Variants in DENND1A observed in about 807,000 individuals in gnomAD.
DENND1A encodes the protein DENN domain containing 1A.
DENND1A carries 51 observed loss-of-function variants against 113.7 expected under a neutral mutation model. The observed-to-expected ratio is 0.45, with a 90% CI of 0.36 to 0.57. DENND1A has a LOEUF of 0.57. Among genes scored for constraint, DENND1A ranks in the 20% least tolerant of loss-of-function variants. DENND1A has a pLI of 0.00. For missense variants in DENND1A, 1,258 were observed against 1,395.9 expected (o/e 0.90, Z 1.57); for synonymous variants, 565 against 570.8 (o/e 0.99, Z 0.14).
intron 11 of DENND1A, among the ~76,000 whole-genome samples, chr9:123,588,889 T>C (rs567357991): frequency 6.6e-6 from 1 of 151,784 alleles, no homozygotes; most frequent in East Asian, 2.0e-4. Flanking sequence ...TGCCTCCGCC[T>C]CCTGAGTAGC....
chr9:123,785,364 C>G (rs1370178134), intron 3 of DENND1A, among the ~76,000 whole-genome samples: 1 of 151,860 alleles, frequency 6.6e-6, no homozygotes, highest in African/African-American at 2.4e-5. Context: ...CTCTAAAACA[C>G]AAAACCAAAC....
At chr9:123,453,439 C>T (rs964390280) in intron 16 of DENND1A, among the ~76,000 whole-genome samples, 5 of 152,154 alleles carry the variant, frequency 3.3e-5, no homozygotes, top group Non-Finnish European at 7.3e-5. Context: ...TATGCTGTAA[C>T]AAGTGGCTGC....
intron 2 of DENND1A, among the ~76,000 whole-genome samples, chr9:123,803,004 T>C (rs1834960067): frequency 6.6e-6 from 1 of 152,170 alleles, no homozygotes; most frequent in Admixed American, 6.5e-5. Flanking sequence ...ACTCAGCCCT[T>C]TTCACTGCCT....
chr9:123,883,020 A>G (rs1471878948), intron 1 of DENND1A, among the ~76,000 whole-genome samples: 1 of 152,154 alleles, frequency 6.6e-6, no homozygotes. Flanking sequence ...TCCAGCCACA[A>G]TGACCTTCTT....
At chr9:123,663,851 A>AC (rs1156675126) in intron 8 of DENND1A, among the ~76,000 whole-genome samples, 15 of 149,318 alleles carry the variant, frequency 1.0e-4, no homozygotes, top group South Asian at 4.2e-4. Context: ...CTTAACAACA[A>AC]AAAAAAAAAA....
intron 19 of DENND1A, among the ~76,000 whole-genome samples, chr9:123,434,640 C>T (rs2046381789): frequency 6.6e-6 from 1 of 152,146 alleles, no homozygotes; most frequent in Admixed American, 6.5e-5. Context: ...GCGGCGTGTG[C>T]ATAGTCCTGG....
At chr9:123,582,439 G>A (rs1335997316) in intron 12 of DENND1A, among the ~76,000 whole-genome samples, 32 of 147,216 alleles carry the variant, frequency 2.2e-4, no homozygotes, top group African/African-American at 5.6e-4. Context: ...TTGCTCTGTC[G>A]CCCAGACTGG....
At chr9:123,384,065 C>T (rs1318443837) in intron 22 of DENND1A, 152 bp from the exon 23 acceptor site, 9 of 1,076,532 alleles carry the variant, frequency 8.4e-6, no homozygotes, top group African/African-American at 3.2e-5. Context: ...GGGCAGGAGT[C>T]TGGGAGGCTG....
intron 2 of DENND1A, among the ~76,000 whole-genome samples, chr9:123,863,537 G>C (rs1351295439): frequency 6.6e-6 from 1 of 150,646 alleles, no homozygotes. Context: ...TCGAACACTT[G>C]TTAAACTCGA....
intron 2 of DENND1A, among the ~76,000 whole-genome samples, chr9:123,806,877 A>G (rs1221072069): frequency 2.0e-5 from 3 of 152,220 alleles, no homozygotes; most frequent in Non-Finnish European, 4.4e-5. Context: ...AACATGTACC[A>G]AAAGCATTAT....
chr9:123,667,148 G>A, intron 7 of DENND1A, 69 bp from the exon 8 acceptor site: 2 of 1,436,322 alleles, frequency 1.4e-6, no homozygotes, highest in East Asian at 2.5e-5. Context: ...TCAGAATTCA[G>A]GTAAATGATT....
At chr9:123,877,603 C>A (rs1181202354) in intron 2 of DENND1A, among the ~76,000 whole-genome samples, 1 of 151,826 alleles carries the variant, frequency 6.6e-6, no homozygotes, top group Non-Finnish European at 1.5e-5. Flanking sequence ...GTGGGTAGAT[C>A]ACCTGAGGTC....
chr9:123,392,512 A>C (rs1392171490), intron 21 of DENND1A, among the ~76,000 whole-genome samples: 2 of 152,040 alleles, frequency 1.3e-5, no homozygotes, highest in Non-Finnish European at 2.9e-5. Flanking sequence ...TCCAGTGGGC[A>C]GGTGCTGACG....
intron 19 of DENND1A, among the ~76,000 whole-genome samples, chr9:123,423,666 C>T (rs765381415): frequency 9.9e-5 from 15 of 152,146 alleles, no homozygotes; most frequent in East Asian, 1.9e-4. Context: ...TGGCTGCACA[C>T]GCTCATGTAT....
At chr9:123,584,446 G>A (rs1018852459) in intron 11 of DENND1A, among the ~76,000 whole-genome samples, 1 of 152,154 alleles carries the variant, frequency 6.6e-6, no homozygotes, top group African/African-American at 2.4e-5. Flanking sequence ...GGCACCAGTC[G>A]GGGAATGGGG....
chr9:123,570,012 C>T (rs1057342708), intron 12 of DENND1A, among the ~76,000 whole-genome samples: 1 of 152,074 alleles, frequency 6.6e-6, no homozygotes, highest in African/African-American at 2.4e-5. Flanking sequence ...ATCTTTTGTC[C>T]CTCCCAACCA....
intron 13 of DENND1A, among the ~76,000 whole-genome samples, chr9:123,487,525 C>A (rs560323347): frequency 6.6e-6 from 1 of 152,306 alleles, no homozygotes; most frequent in Non-Finnish European, 1.5e-5. Context: ...CAGACCAATG[C>A]GCATGGCCCC....
At chr9:123,583,077 G>C in intron 12 of DENND1A, 92 bp downstream of exon 12, 1 of 931,936 alleles carries the variant, frequency 1.1e-6, no homozygotes, top group Non-Finnish European at 1.6e-6. Context: ...GAAAACCCTC[G>C]CTATTTCCCC....
intron 19 of DENND1A, among the ~76,000 whole-genome samples, chr9:123,424,698 C>A (rs2131901589): frequency 6.6e-6 from 1 of 152,340 alleles, no homozygotes; most frequent in African/African-American, 2.4e-5. Context: ...GATTTTAATT[C>A]TTGCTCTGCC....
Sources: gnomAD v4.1 joint callset for allele counts (sites outside exome capture counted in the v4.1 genomes callset) on GRCh38, gnomAD v4.1.1 for gene constraint, MANE v1.5 for transcripts, NCBI Gene and HGNC (gene_info 2026-07-23, HGNC 2026-07-21) for gene names.